Variants in DAPK1 observed in about 807,000 individuals in gnomAD.
The protein encoded by DAPK1 is death associated protein kinase 1, also known as death-associated protein kinase 1.
In DAPK1, 56 loss-of-function variants were observed where a neutral mutation model predicts 144.9. The observed-to-expected ratio is 0.39, with a 90% CI of 0.31 to 0.48. The LOEUF (loss-of-function observed/expected upper bound fraction) is 0.48. Among genes scored for constraint, DAPK1 ranks in the 20% least tolerant of loss-of-function variants. The pLI, the probability that DAPK1 is intolerant of heterozygous loss-of-function variation, is 0.95. For missense variants in DAPK1, 1,454 were observed against 1,875.4 expected, an observed-to-expected ratio of 0.78 and a Z score of 4.15; for synonymous variants, 690 against 749.0, an observed-to-expected ratio of 0.92 and a Z score of 1.29.
rs543960394 is a variant in DAPK1, at chr9:87,517,554, G to A, written c.62+18415G>A. ...CCTTCAGAAACACCTATTGTCTGAT[G>A]ATCATTTCATTAACTGGTCAGAATT... On this transcript the variant is annotated intron_variant, in intron 2 of 25. Coordinates refer to ENST00000408954, the MANE Select transcript of DAPK1 (RefSeq NM_004938.4). 2.0e-5 allele frequency among the ~76,000 whole-genome samples: 3 copies of A among 152,114 alleles called. No individual in the cohort carries two copies. The South Asian group carries it at 6.2e-4, about 32-fold the overall frequency.
chr9:87,639,239 C>A, intron 4 of DAPK1, 115 bp from the exon 5 acceptor site: 1 of 986,502 alleles, frequency 1.0e-6, no homozygotes, highest in Non-Finnish European at 1.5e-6. Context: ...TCCAACCACC[C>A]TTTCTTCCCT....
chr9:87,566,880 G>A (rs1409025276), intron 2 of DAPK1, among the ~76,000 whole-genome samples: 1 of 152,176 alleles, frequency 6.6e-6, no homozygotes, highest in Non-Finnish European at 1.5e-5. Flanking sequence ...TTTTATCACA[G>A]CATACAGGGG....
intron 2 of DAPK1, among the ~76,000 whole-genome samples, chr9:87,604,132 G>T (rs1193966237): frequency 6.6e-6 from 1 of 152,100 alleles, no homozygotes; most frequent in African/African-American, 2.4e-5. Flanking sequence ...ACTAAGAGTG[G>T]CTCTCCTCAT....
chr9:87,601,829 C>T (rs1024172519), intron 2 of DAPK1, among the ~76,000 whole-genome samples: 1 of 152,254 alleles, frequency 6.6e-6, no homozygotes, highest in Non-Finnish European at 1.5e-5. Context: ...GGCTTCTAGC[C>T]GTTACACAAT....
At chr9:87,602,590 A>T (rs903653266) in intron 2 of DAPK1, among the ~76,000 whole-genome samples, 2 of 152,024 alleles carry the variant, frequency 1.3e-5, no homozygotes, top group African/African-American at 2.4e-5. Context: ...TTGCATTGAA[A>T]TTCTCTGTGA....
At position 87,651,619 on chromosome 9, in the gene DAPK1, A is replaced by G. The variant is rs199637259; in HGVS notation, c.1719A>G (p.Gln573=). ...LLSQGCFVDY[Q]DRHGNTPLHV... is the part of the protein sequence containing the mutation. Reference sequence around the variant, plus strand: ...GCCAAGGGTGTTTCGTCGATTATCAAGACAGGCACGGCAATACTCCCCTCC... The same window carrying G: ...GCCAAGGGTGTTTCGTCGATTATCAGGACAGGCACGGCAATACTCCCCTCC... Residue 573 remains glutamine (Q), a synonymous_variant, in exon 17 of 26, where the codon CAA becomes CAG. Transcript: ENST00000408954. 22 of 1,614,228 alleles carry G rather than the reference A, an allele frequency of 1.4e-5. No homozygotes were observed. The Admixed American group carries it at 3.7e-4, about 27-fold the overall frequency.
At chr9:87,637,689 C>T (rs1046365946) in intron 3 of DAPK1, among the ~76,000 whole-genome samples, 1 of 152,190 alleles carries the variant, frequency 6.6e-6, no homozygotes, top group Non-Finnish European at 1.5e-5. Flanking sequence ...CACAGCATTT[C>T]ATCTCTGCCC....
chr9:87,555,438 AAC>A (rs1563991013), intron 2 of DAPK1, among the ~76,000 whole-genome samples: 1 of 152,150 alleles, frequency 6.6e-6, no homozygotes, highest in African/African-American at 2.4e-5. Context: ...AAGTATTAGT[AAC>A]ACAAACAACA....
chr9:87,561,962 G>C (rs1002924042), intron 2 of DAPK1, among the ~76,000 whole-genome samples: 44 of 152,124 alleles, frequency 2.9e-4, no homozygotes, highest in African/African-American at 9.9e-4. Flanking sequence ...CCCTGAATGG[G>C]CATCCCTGTG....
At chr9:87,583,021 G>A (rs1287109896) in intron 2 of DAPK1, among the ~76,000 whole-genome samples, 1 of 152,008 alleles carries the variant, frequency 6.6e-6, no homozygotes, top group East Asian at 1.9e-4. Flanking sequence ...GCGATCTCGG[G>A]ATTTGTCTTC....
At chr9:87,675,632 C>A (rs781758732) in intron 19 of DAPK1, among the ~76,000 whole-genome samples, 12 of 152,050 alleles carry the variant, frequency 7.9e-5, no homozygotes, top group Middle Eastern at 3.4e-3. Flanking sequence ...ATTCTCCCGG[C>A]TGCTCAGACT....
chr9:87,546,011 TC>T lies in DAPK1; in HGVS notation c.62+46873del, dbSNP rs538950269. 6.5e-3 allele frequency among the ~76,000 whole-genome samples: 996 copies of T among 152,316 alleles called. 7 individuals carry two copies. The highest frequency in any genetic ancestry group is 9.8e-3 in the Non-Finnish European group (669 of 68,028). On this transcript the variant is annotated intron_variant, in intron 2 of 25. Coordinates refer to ENST00000408954, the MANE Select transcript of DAPK1 (RefSeq NM_004938.4). The stretch of plus-strand genomic sequence containing the variant: ...GTTTTTGTTTTTGCAGTACAGATTC[TC>T]AGTACTTCCCATAGCATAGAGGGTT...
chr9:87,647,531 C>T, intron 14 of DAPK1, 128 bp downstream of exon 14: 1 of 760,150 alleles, frequency 1.3e-6, no homozygotes, highest in South Asian at 1.6e-5. Context: ...ACCTGCAGAA[C>T]ATTTAAGTTG....
chr9:87,702,228 G>A (rs1336828573), intron 24 of DAPK1, among the ~76,000 whole-genome samples: 1 of 152,186 alleles, frequency 6.6e-6, no homozygotes, highest in Non-Finnish European at 1.5e-5. Flanking sequence ...AGGGGAGTGC[G>A]GAATTAATGG....
intron 3 of DAPK1, among the ~76,000 whole-genome samples, chr9:87,630,786 G>A (rs1829656809): frequency 6.6e-6 from 1 of 152,286 alleles, no homozygotes; most frequent in Middle Eastern, 3.4e-3. Context: ...CTTGAGAAAT[G>A]AGCTTATCTG....
intron 21 of DAPK1, among the ~76,000 whole-genome samples, chr9:87,687,438 C>G (rs1186607551): frequency 1.3e-5 from 2 of 152,200 alleles, no homozygotes; most frequent in Admixed American, 6.5e-5. Context: ...ACCTCCAGTT[C>G]TATCCATGTT....
chr9:87,544,558 A>G (rs1418039660), intron 2 of DAPK1, among the ~76,000 whole-genome samples: 1 of 152,082 alleles, frequency 6.6e-6, no homozygotes, highest in African/African-American at 2.4e-5. Flanking sequence ...ACACCAGAAA[A>G]TTTTTCTAAT....
At chr9:87,604,561 C>T (rs1007400150) in intron 2 of DAPK1, among the ~76,000 whole-genome samples, 5 of 151,524 alleles carry the variant, frequency 3.3e-5, no homozygotes, top group African/African-American at 9.7e-5. Flanking sequence ...TTTTTTTTAC[C>T]GATTCCCTGG....
intron 3 of DAPK1, chr9:87,632,104 ATATATG>A: frequency 1.5e-6 from 1 of 666,536 alleles, no homozygotes; most frequent in Non-Finnish European, 1.9e-6. Context: ...ATATATATAT[ATATATG>A]TATGTGTGTG....
Sources: allele counts gnomAD v4.1 joint callset (sites outside exome capture counted in the v4.1 genomes callset), GRCh38; gene constraint gnomAD v4.1.1; transcripts MANE v1.5; gene names NCBI Gene and HGNC (gene_info 2026-07-23, HGNC 2026-07-21).